MAP3K5: variants seen among roughly 807,000 people sequenced by gnomAD.
MAP3K5 encodes mitogen-activated protein kinase kinase kinase 5.
A neutral mutation model predicts 158.7 loss-of-function variants in MAP3K5; 56 were observed. The ratio of observed to expected loss-of-function variants is 0.35; its 90% CI spans 0.28 to 0.44. The LOEUF (loss-of-function observed/expected upper bound fraction) is 0.44. Among genes scored for constraint, MAP3K5 ranks in the 20% least tolerant of loss-of-function variants. The pLI is 1.00. For synonymous variants in MAP3K5, 579 were observed against 601.7 expected, an observed-to-expected ratio of 0.96 and a Z score of 0.55; for missense variants, 1,294 against 1,674.8, an observed-to-expected ratio of 0.77 and a Z score of 3.97.
intron 1 of MAP3K5, among the ~76,000 whole-genome samples, chr6:136,776,926 C>T (rs1006826227): frequency 3.3e-5 from 5 of 152,178 alleles, no homozygotes; most frequent in Admixed American, 3.3e-4. Context: ...GTAACCCACT[C>T]ATATGTCATA....
intron 2 of MAP3K5, among the ~76,000 whole-genome samples, chr6:136,705,890 C>T (rs1458397046): frequency 1.3e-5 from 2 of 151,976 alleles, no homozygotes; most frequent in African/African-American, 2.4e-5. Flanking sequence ...TGGCCACCGG[C>T]AAATCCACAC....
At chr6:136,660,196 C>T (rs549122854) in intron 8 of MAP3K5, among the ~76,000 whole-genome samples, 14 of 152,078 alleles carry the variant, frequency 9.2e-5, no homozygotes, top group Non-Finnish European at 1.5e-4. Context: ...ATATATATTT[C>T]GCAAGAATAA....
At chr6:136,771,814 G>A (rs1258555452) in intron 1 of MAP3K5, among the ~76,000 whole-genome samples, 5 of 152,104 alleles carry the variant, frequency 3.3e-5, no homozygotes, top group Non-Finnish European at 7.4e-5. Flanking sequence ...TCAACAACCC[G>A]ATATTTTAAA....
chr6:136,761,932 G>A lies in MAP3K5; in HGVS notation c.448+29778C>T, dbSNP rs188554083. On this transcript the variant is annotated intron_variant, in intron 1 of 29. Coordinates refer to ENST00000359015, the MANE Select transcript of MAP3K5 (RefSeq NM_005923.4). The stretch of plus-strand genomic sequence containing the variant: ...GTCAAAAGTTTGAGGCAGATATAAC[G>A]CATTTGGGGAGGACTGGGCATTCTC... 2.9e-3 allele frequency among the ~76,000 whole-genome samples: 442 copies of A among 152,262 alleles called. 3 individuals carry two copies. The highest frequency in any genetic ancestry group is 4.6e-3 in the South Asian group (22 of 4,826).
In MAP3K5 at chr6:136,612,979, G is replaced by A. The variant is rs1776409245; in HGVS notation, c.2415+141C>T. The A allele has an allele frequency of 6.4e-6, 5 of 786,068 alleles. No homozygotes were observed. In the South Asian group the frequency reaches 8.4e-5, roughly 13 times the overall value. The allele number at this position is 786,068 out of a possible 1,614,324, so 48.7% of individuals were successfully genotyped here. A position where few individuals can be genotyped will look rare whatever the true frequency, so the allele number is the denominator to read the frequency against. The stretch of plus-strand genomic sequence containing the variant: ...ATAAATAACTGATTCAGGGTTGAAC[G>A]ATATTTTATATTTCTGCTGTTTCTA... On this transcript the variant is annotated intron_variant, in intron 17 of 29. Transcript: ENST00000359015.
chr6:136,667,405 G>A (rs967273842), intron 8 of MAP3K5, among the ~76,000 whole-genome samples: 7 of 151,960 alleles, frequency 4.6e-5, no homozygotes, highest in Middle Eastern at 6.8e-3. Flanking sequence ...TACCTTCTCC[G>A]ATTTCACTGA....
intron 7 of MAP3K5, 51 bp from the exon 8 acceptor site, chr6:136,669,446 G>T: frequency 9.4e-7 from 1 of 1,060,672 alleles, no homozygotes; most frequent in Non-Finnish European, 1.5e-6. Context: ...ATGAAACCCT[G>T]GGTGTGTAAT....
At chr6:136,772,669 T>C (rs956006926) in intron 1 of MAP3K5, among the ~76,000 whole-genome samples, 2 of 152,076 alleles carry the variant, frequency 1.3e-5, no homozygotes, top group Admixed American at 6.5e-5. Flanking sequence ...TTTGAAAAAA[T>C]GTTAACTGTT....
chr6:136,699,283 T>C (rs1381084987), intron 3 of MAP3K5, among the ~76,000 whole-genome samples: 1 of 152,162 alleles, frequency 6.6e-6, no homozygotes, highest in Non-Finnish European at 1.5e-5. Context: ...TTTCCCTCCA[T>C]CTTCTCGGCC....
At chr6:136,624,375 A>AT (rs1776942784) in intron 14 of MAP3K5, among the ~76,000 whole-genome samples, 1 of 152,182 alleles carries the variant, frequency 6.6e-6, no homozygotes, top group Non-Finnish European at 1.5e-5. Context: ...ACCACAATAG[A>AT]TTTTAACAGA....
At chr6:136,619,834 T>G (rs1776724386) in intron 15 of MAP3K5, among the ~76,000 whole-genome samples, 1 of 152,200 alleles carries the variant, frequency 6.6e-6, no homozygotes, top group African/African-American at 2.4e-5. Flanking sequence ...ACAGTACGAC[T>G]TACTGATGGA....
At chr6:136,616,320 T>G (rs1776561356) in intron 15 of MAP3K5, among the ~76,000 whole-genome samples, 1 of 142,812 alleles carries the variant, frequency 7.0e-6, no homozygotes, top group Admixed American at 7.1e-5. Context: ...TTTTTTTTTT[T>G]TGAGATGGAG....
Position 136,791,787 on chromosome 6 carries a change from C to T in MAP3K5, c.371G>A (p.Gly124Asp), listed in dbSNP as rs754963392. 5.6e-6 allele frequency: 9 copies of T among 1,613,548 alleles called. No homozygotes were observed. Among genetic ancestry groups the T allele is most frequent in the Non-Finnish European group, 5.9e-6 (7 of 1,180,036 alleles). The change falls in exon 1 of 30, where the codon GGC (glycine) becomes GAC (aspartate). Residue 124 changes from glycine (G) to aspartate (D), a missense_variant. Gly to Asp is a moderately conservative substitution (Grantham distance 94). Transcript: ENST00000359015. ...AAAATGCAGGGTTTCCAGGGTGGCGCCCACTGTCTCGCACGCCTCCCGCAA... is the reference window on the plus strand; with the variant it reads ...AAAATGCAGGGTTTCCAGGGTGGCGTCCACTGTCTCGCACGCCTCCCGCAA... ...QSLREACETVGATLETLHFGK... is the reference protein window; with the variant it reads ...QSLREACETVDATLETLHFGK...
intron 9 of MAP3K5, among the ~76,000 whole-genome samples, chr6:136,658,478 C>T (rs966323185): frequency 6.6e-6 from 1 of 151,912 alleles, no homozygotes; most frequent in Non-Finnish European, 1.5e-5. Flanking sequence ...TCATGCCCAG[C>T]TAATTTTTGT....
At chr6:136,668,778 C>T (rs2114520948) in intron 8 of MAP3K5, among the ~76,000 whole-genome samples, 1 of 152,230 alleles carries the variant, frequency 6.6e-6, no homozygotes, top group Admixed American at 6.5e-5. Context: ...TCTGAGGAGC[C>T]TACTTCCTAC....
intron 3 of MAP3K5, among the ~76,000 whole-genome samples, chr6:136,699,824 T>C (rs1780766439): frequency 6.6e-6 from 1 of 152,234 alleles, no homozygotes; most frequent in South Asian, 2.1e-4. Context: ...CTGAGTGTGA[T>C]GGCTCACGCC....
Position 136,711,996 on chromosome 6 carries a change from T to C in MAP3K5, c.589-6863A>G, listed in dbSNP as rs1417716372. ...ACCTGTACCAAAAATCAGGTTAAAT[T>C]ATATCAAAGCTGGAAAGTAATCCTA... On this transcript the variant is annotated intron_variant, in intron 2 of 29. Coordinates refer to ENST00000359015, the MANE Select transcript of MAP3K5 (RefSeq NM_005923.4). Among the ~76,000 whole-genome samples, 3 of 152,094 alleles carry C rather than the reference T, an allele frequency of 2.0e-5. No homozygotes were observed. In the East Asian group the frequency reaches 5.8e-4, roughly 29 times the overall value.
chr6:136,634,395 C>T (rs533014649), intron 14 of MAP3K5, among the ~76,000 whole-genome samples: 1 of 152,188 alleles, frequency 6.6e-6, no homozygotes, highest in Admixed American at 6.5e-5. Flanking sequence ...CAAAAAACAT[C>T]AGCAATATCA....
At chr6:136,688,042 G>C (rs1333074844) in intron 7 of MAP3K5, among the ~76,000 whole-genome samples, 2 of 152,106 alleles carry the variant, frequency 1.3e-5, no homozygotes, top group Non-Finnish European at 2.9e-5. Flanking sequence ...ATGATAGACT[G>C]GATAAAGAAA....
Sources: allele counts gnomAD v4.1 joint callset (sites outside exome capture counted in the v4.1 genomes callset), GRCh38; gene constraint gnomAD v4.1.1; transcripts MANE v1.5; gene names NCBI Gene and HGNC (gene_info 2026-07-23, HGNC 2026-07-21).